ABCC4: variants seen among roughly 807,000 people sequenced by gnomAD.
The protein encoded by ABCC4 is ATP-binding cassette sub-family C member 4.
ABCC4 carries 102 observed loss-of-function variants against 168.5 expected under a neutral mutation model. That is an observed-to-expected ratio of 0.61 (90% CI 0.52 to 0.71). The LOEUF is 0.71. ABCC4 is among the 30% of genes least tolerant of loss of function. ABCC4 has a pLI of 0.00. For missense variants in ABCC4, 1,402 were observed against 1,605.8 expected, an observed-to-expected ratio of 0.87 and a Z score of 2.17; for synonymous variants, 617 against 590.7, an observed-to-expected ratio of 1.04 and a Z score of -0.65.
At chr13:95,051,064 C>T (rs1189335) in intron 27 of ABCC4, among the ~76,000 whole-genome samples, 32 of 152,316 alleles carry the variant, frequency 2.1e-4, no homozygotes, top group African/African-American at 7.7e-4. Flanking sequence ...CTGTACCCAC[C>T]TCTTCTCTCC....
chr13:95,188,857 C>G (rs980697658), intron 9 of ABCC4, among the ~76,000 whole-genome samples: 2 of 152,074 alleles, frequency 1.3e-5, no homozygotes, highest in African/African-American at 4.8e-5. Context: ...GAAATGAAAA[C>G]TCATGCTAAC....
chr13:95,279,446 C>T (rs1416110028), intron 1 of ABCC4, among the ~76,000 whole-genome samples: 1 of 152,202 alleles, frequency 6.6e-6, no homozygotes, highest in Non-Finnish European at 1.5e-5. Context: ...AAATGTTAAT[C>T]ATGGTTATGG....
chr13:95,266,093 C>T (rs925797667), intron 1 of ABCC4: 1 of 152,208 alleles, frequency 6.6e-6, no homozygotes, highest in African/African-American at 2.4e-5. Context: ...TCCTGACCCC[C>T]AGTACCTGTG....
intron 20 of ABCC4, among the ~76,000 whole-genome samples, chr13:95,093,221 G>A (rs536414438): frequency 2.0e-5 from 3 of 151,852 alleles, no homozygotes; most frequent in Non-Finnish European, 4.4e-5. Flanking sequence ...ATACCAAAAC[G>A]AGGAAAGGAC....
At chr13:95,217,866 TC>T (rs1051104245) in intron 4 of ABCC4, among the ~76,000 whole-genome samples, 1 of 152,028 alleles carries the variant, frequency 6.6e-6, no homozygotes, top group Non-Finnish European at 1.5e-5. Flanking sequence ...TCTCACAGAG[TC>T]CCCAAATGGC....
intron 22 of ABCC4, 89 bp downstream of exon 22, chr13:95,075,343 C>T: frequency 6.4e-7 from 1 of 1,561,658 alleles, no homozygotes; most frequent in Non-Finnish European, 8.7e-7. Context: ...CCCTGAGGTG[C>T]CTGCCAACAA....
intron 3 of ABCC4, among the ~76,000 whole-genome samples, chr13:95,238,981 C>A (rs73546833): frequency 0.015 from 2,338 of 152,266 alleles, 69 homozygotes; most frequent in African/African-American, 0.053. Flanking sequence ...ATCTTCCATT[C>A]TGCACAGCAG....
At chr13:95,278,385 T>C (rs934824766) in intron 1 of ABCC4, among the ~76,000 whole-genome samples, 1 of 152,020 alleles carries the variant, frequency 6.6e-6, no homozygotes, top group African/African-American at 2.4e-5. Flanking sequence ...TGATAAGGGA[T>C]ATAAACCAGG....
chr13:95,153,463 G>A (rs934550088), intron 19 of ABCC4, among the ~76,000 whole-genome samples: 2 of 151,252 alleles, frequency 1.3e-5, no homozygotes, highest in Non-Finnish European at 3.0e-5. Context: ...TACATATATC[G>A]AGAGAGACAG....
At chr13:95,044,239 A>C in intron 28 of ABCC4, 27 bp downstream of exon 28, 1 of 1,569,842 alleles carries the variant, frequency 6.4e-7, no homozygotes. Context: ...ATGTGGACTC[A>C]AGGTTACATG....
chr13:95,024,194 G>C, intron 30 of ABCC4, among the ~76,000 whole-genome samples: 1 of 130,486 alleles, frequency 7.7e-6, no homozygotes, highest in African/African-American at 2.9e-5. Flanking sequence ...GTGACAGAGT[G>C]AGAGACTGTC....
intron 1 of ABCC4, among the ~76,000 whole-genome samples, chr13:95,270,774 T>C (rs769824373): frequency 3.3e-5 from 5 of 152,148 alleles, no homozygotes; most frequent in Admixed American, 6.5e-5. Context: ...CACGCATGAG[T>C]TTCTCTTCTT....
rs1457256878 is a variant in ABCC4 at position 95,021,340 on chromosome 13, G to C, written c.*235C>G. The C allele has an allele frequency of 2.3e-6, 1 of 427,514 alleles. No homozygotes were observed. Among genetic ancestry groups the C allele is most frequent in the African/African-American group, 2.0e-5 (1 of 49,182 alleles). The allele number at this position is 427,514 out of a possible 1,614,324, so 26.5% of individuals were successfully genotyped here. A position where few individuals can be genotyped will look rare whatever the true frequency, so the allele number is the denominator to read the frequency against. Reference sequence around the variant, plus strand: ...AAAACCTGATAGACGGCATTTAACTGGTGGCCTGCACCTCTGATTTGGATT... The same window carrying C: ...AAAACCTGATAGACGGCATTTAACTCGTGGCCTGCACCTCTGATTTGGATT... On this transcript the variant is annotated 3_prime_UTR_variant, in exon 31 of 31. Coordinates refer to ENST00000645237, the MANE Select transcript of ABCC4 (RefSeq NM_005845.5).
chr13:95,280,707 G>A (rs9590233), intron 1 of ABCC4, among the ~76,000 whole-genome samples: 1 of 151,678 alleles, frequency 6.6e-6, no homozygotes, highest in Non-Finnish European at 1.5e-5. Flanking sequence ...GGGACTCTCA[G>A]AAAATGTGCC....
intron 20 of ABCC4, among the ~76,000 whole-genome samples, chr13:95,094,174 A>C (rs1342578862): frequency 1.3e-5 from 2 of 152,124 alleles, no homozygotes; most frequent in African/African-American, 4.8e-5. Flanking sequence ...AATTAAAAAA[A>C]AAAATTCTAA....
chr13:95,196,031 A>G (rs1285213995), intron 8 of ABCC4, among the ~76,000 whole-genome samples: 2 of 152,182 alleles, frequency 1.3e-5, no homozygotes, highest in African/African-American at 4.8e-5. Context: ...TAGCAACTAC[A>G]CAATGCAATT....
At chr13:95,283,891 T>C (rs1594440271) in intron 1 of ABCC4, among the ~76,000 whole-genome samples, 2 of 125,216 alleles carry the variant, frequency 1.6e-5, no homozygotes, top group African/African-American at 3.1e-5. Context: ...AGAGCGAAAC[T>C]CCGTCTCAAA....
At chr13:95,190,096 A>G (rs1342422569) in intron 9 of ABCC4, among the ~76,000 whole-genome samples, 2 of 152,178 alleles carry the variant, frequency 1.3e-5, no homozygotes, top group African/African-American at 4.8e-5. Context: ...TGTAATCCCA[A>G]CATTTTGGGA....
chr13:95,157,089 CA>C (rs2036888715), intron 19 of ABCC4, among the ~76,000 whole-genome samples: 2 of 17,846 alleles, frequency 1.1e-4, no homozygotes, highest in East Asian at 6.2e-3. Flanking sequence ...GAGACTCTAC[CA>C]CACACACACA....
Sources: allele counts gnomAD v4.1 joint callset (sites outside exome capture counted in the v4.1 genomes callset), GRCh38; gene constraint gnomAD v4.1.1; transcripts MANE v1.5; gene names NCBI Gene and HGNC (gene_info 2026-07-23, HGNC 2026-07-21).